Variants in KIF26B observed in about 807,000 individuals in gnomAD.
KIF26B encodes the protein kinesin-like protein KIF26B.
KIF26B carries 63 observed loss-of-function variants against 151.2 expected under a neutral mutation model. That is an observed-to-expected ratio of 0.42 (90% CI 0.34 to 0.51). KIF26B has a LOEUF of 0.51. Among genes scored for constraint, KIF26B ranks in the 20% least tolerant of loss-of-function variants. The pLI is 0.07. For synonymous variants in KIF26B, 1,357 were observed against 1,262.1 expected, an observed-to-expected ratio of 1.08 and a Z score of -1.59; for missense variants, 2,813 against 2,913.6, an observed-to-expected ratio of 0.97 and a Z score of 0.79.
At position 245,572,742 on chromosome 1, in the gene KIF26B, T is replaced by C. The variant is rs1002330013; in HGVS notation, c.1351-29835T>C. On this transcript the variant is annotated intron_variant, in intron 5 of 14. Coordinates refer to ENST00000407071, the MANE Select transcript of KIF26B (RefSeq NM_018012.4). This position sits in a 1 kb window ranked among gnomAD's most constrained non-coding sequence, Gnocchi z 4.2. The stretch of plus-strand genomic sequence containing the variant: ...TACTTCATAATGTATTACCTACGTA[T>C]AGTGTATGTTGTTCGCTTCATTTAG... Among the ~76,000 whole-genome samples the C allele has an allele frequency of 6.6e-6, 1 of 152,196 alleles. No homozygotes were observed. Among genetic ancestry groups the C allele is most frequent in the Non-Finnish European group, 1.5e-5 (1 of 68,032 alleles).
At chr1:245,345,669 T>C (rs1021906700) in intron 2 of KIF26B, among the ~76,000 whole-genome samples, 1 of 152,114 alleles carries the variant, frequency 6.6e-6, no homozygotes, top group African/African-American at 2.4e-5. Context: ...CCCTTGCTGC[T>C]GTTCTCGTGA....
chr1:245,315,638 C>T (rs891547381), intron 2 of KIF26B, among the ~76,000 whole-genome samples: 1 of 151,482 alleles, frequency 6.6e-6, no homozygotes, highest in Non-Finnish European at 1.5e-5. Context: ...AGGAGACTCT[C>T]CTGAACTCAG....
intron 4 of KIF26B, among the ~76,000 whole-genome samples, chr1:245,524,082 G>A (rs1386618165): frequency 6.6e-6 from 1 of 152,188 alleles, no homozygotes; most frequent in Non-Finnish European, 1.5e-5. Context: ...GTTAGGAGGA[G>A]AGAGAAAAAG....
chr1:245,404,896 A>G (rs1674096816), intron 3 of KIF26B, among the ~76,000 whole-genome samples: 1 of 152,248 alleles, frequency 6.6e-6, no homozygotes, highest in African/African-American at 2.4e-5. Context: ...TCTGAGGTCC[A>G]GGATTTTTCC....
chr1:245,686,160 G>A lies in KIF26B; in HGVS notation c.3177G>A (p.Lys1059=), dbSNP rs2044514281. Residue 1059 remains lysine, a synonymous_variant, in exon 12 of 15, where the codon AAG becomes AAA. Transcript: ENST00000407071. The surrounding 1 kb of genome is among the most constrained non-coding windows in gnomAD (Gnocchi z 5.6). Reference sequence around the variant, plus strand: ...ACTCCTGCGGCTTCGTGGAAGGCAAGCCCAGGCCCATGGGCTCCCCCCGGC... The same window carrying A: ...ACTCCTGCGGCTTCGTGGAAGGCAAACCCAGGCCCATGGGCTCCCCCCGGC... ...SLNSCGFVEG[K]PRPMGSPRLG... The A allele has an allele frequency of 1.2e-5, 19 of 1,612,472 alleles. No individual in the cohort carries two copies. The highest frequency in any genetic ancestry group is 1.6e-5 in the Non-Finnish European group (19 of 1,179,822).
intron 2 of KIF26B, among the ~76,000 whole-genome samples, chr1:245,330,288 G>A (rs1035361503): frequency 2.0e-5 from 3 of 146,494 alleles, no homozygotes; most frequent in Non-Finnish European, 4.5e-5. Context: ...TGAGACTCTT[G>A]GGGAGGGGGT....
chr1:245,612,430 A>G (rs2043537737), intron 9 of KIF26B, among the ~76,000 whole-genome samples: 1 of 152,156 alleles, frequency 6.6e-6, no homozygotes, highest in Admixed American at 6.5e-5. Flanking sequence ...TTAATAGACT[A>G]CAATATGCAG....
chr1:245,557,325 T>C (rs993731884), intron 5 of KIF26B, among the ~76,000 whole-genome samples: 1 of 152,222 alleles, frequency 6.6e-6, no homozygotes, highest in African/African-American at 2.4e-5. Flanking sequence ...TCTTTGCGGA[T>C]GTGGAGCTGG....
At chr1:245,542,693 G>A (rs1661651592) in intron 5 of KIF26B, among the ~76,000 whole-genome samples, 1 of 152,194 alleles carries the variant, frequency 6.6e-6, no homozygotes, top group African/African-American at 2.4e-5. Context: ...AAGGAGGGTG[G>A]GTCCAAGTAA....
intron 2 of KIF26B, among the ~76,000 whole-genome samples, chr1:245,303,174 T>G (rs932135987): frequency 1.3e-5 from 2 of 150,804 alleles, no homozygotes; most frequent in African/African-American, 4.9e-5. Context: ...GTAAAATGAA[T>G]TTGTTGAACT....
chr1:245,544,231 A>C (rs1470459177), intron 5 of KIF26B, among the ~76,000 whole-genome samples: 1 of 152,246 alleles, frequency 6.6e-6, no homozygotes, highest in East Asian at 1.9e-4. Flanking sequence ...CAAGAAATAC[A>C]GTGGAGTTTA....
intron 2 of KIF26B, among the ~76,000 whole-genome samples, chr1:245,259,891 C>A (rs541372073): frequency 7.1e-6 from 1 of 141,484 alleles, no homozygotes; most frequent in East Asian, 2.1e-4. Flanking sequence ...GACAAGATTG[C>A]ACTGCTGCAC....
At chr1:245,209,154 C>T (rs1367185130) in intron 2 of KIF26B, among the ~76,000 whole-genome samples, 1 of 152,188 alleles carries the variant, frequency 6.6e-6, no homozygotes, top group Non-Finnish European at 1.5e-5. Flanking sequence ...AATCCCAGCA[C>T]TTTTGGAGGC....
intron 2 of KIF26B, among the ~76,000 whole-genome samples, chr1:245,250,204 C>T (rs1244197104): frequency 6.6e-6 from 1 of 152,068 alleles, no homozygotes; most frequent in African/African-American, 2.4e-5. Flanking sequence ...CAAAATTAGC[C>T]TCCTACATAC....
chr1:245,200,044 C>A (rs747459865), intron 2 of KIF26B, among the ~76,000 whole-genome samples: 1 of 152,180 alleles, frequency 6.6e-6, no homozygotes, highest in African/African-American at 2.4e-5. Flanking sequence ...TATCATTGTG[C>A]GATGGGATTT....
rs1272438661 is a variant in KIF26B, at chr1:245,678,732, GCA to G, written c.2259-5500_2259-5499del. Among the ~76,000 whole-genome samples, 4 of 152,190 alleles carry G rather than the reference GCA, an allele frequency of 2.6e-5. No individual in the cohort carries two copies. The East Asian group carries it at 7.7e-4, about 29-fold the overall frequency. On this transcript the variant is annotated intron_variant, in intron 10 of 14. Coordinates refer to ENST00000407071, the MANE Select transcript of KIF26B (RefSeq NM_018012.4). Reference sequence around the variant, plus strand: ...ACAAAAAATTGCTGGGCGTGGTGGTGCATGCCTGTAGTTCCAGCTACTCAGGA... The same window carrying G: ...ACAAAAAATTGCTGGGCGTGGTGGTGTGCCTGTAGTTCCAGCTACTCAGGA...
At chr1:245,329,148 G>A (rs1289470358) in intron 2 of KIF26B, among the ~76,000 whole-genome samples, 2 of 152,218 alleles carry the variant, frequency 1.3e-5, no homozygotes, top group African/African-American at 4.8e-5. Context: ...TTTTCTGGAG[G>A]TGGGGACAGG....
chr1:245,509,515 G>T (rs536917858), intron 4 of KIF26B, among the ~76,000 whole-genome samples: 2 of 152,224 alleles, frequency 1.3e-5, no homozygotes, highest in African/African-American at 4.8e-5. Flanking sequence ...ATAAATGTTG[G>T]TGTTCCCATA....
At chr1:245,282,149 C>A (rs1416389842) in intron 2 of KIF26B, among the ~76,000 whole-genome samples, 1 of 151,914 alleles carries the variant, frequency 6.6e-6, no homozygotes, top group Non-Finnish European at 1.5e-5. Flanking sequence ...GAATCAATAT[C>A]GTGAAAATGG....
Sources: allele counts gnomAD v4.1 joint callset (sites outside exome capture counted in the v4.1 genomes callset), GRCh38; gene constraint gnomAD v4.1.1; non-coding constraint Gnocchi (gnomAD v3.1); transcripts MANE v1.5; gene names NCBI Gene and HGNC (gene_info 2026-07-23, HGNC 2026-07-21).